Variants in FNDC3B observed in about 807,000 individuals in gnomAD.
FNDC3B encodes fibronectin type III domain containing 3B.
A neutral mutation model predicts 151.5 loss-of-function variants in FNDC3B; 12 were observed. That is an observed-to-expected ratio of 0.08 (90% CI 0.05 to 0.13). FNDC3B has a LOEUF of 0.13. FNDC3B is among the 10% of genes least tolerant of loss of function. The pLI is 1.00. For missense variants in FNDC3B, 1,214 were observed against 1,505.3 expected (o/e 0.81, Z 3.20); for synonymous variants, 528 against 549.0 (o/e 0.96, Z 0.54).
chr3:172,381,542 A>G (rs1182336024), intron 25 of FNDC3B, among the ~76,000 whole-genome samples: 2 of 151,632 alleles, frequency 1.3e-5, no homozygotes, highest in East Asian at 1.9e-4. Context: ...ACATAGGTAT[A>G]CATGTGCCAT....
At chr3:172,372,503 T>G (rs1463200319) in intron 23 of FNDC3B, among the ~76,000 whole-genome samples, 1 of 152,250 alleles carries the variant, frequency 6.6e-6, no homozygotes, top group Non-Finnish European at 1.5e-5. Context: ...TCAGCAAGCG[T>G]GCTCATGTCA....
At chr3:172,318,467 T>G (rs1731924208) in intron 11 of FNDC3B, among the ~76,000 whole-genome samples, 1 of 152,228 alleles carries the variant, frequency 6.6e-6, no homozygotes, top group Non-Finnish European at 1.5e-5. Flanking sequence ...GCTCAAGTGT[T>G]GAATAGTTCA....
chr3:172,177,203 C>T (rs1723639923), intron 3 of FNDC3B, among the ~76,000 whole-genome samples: 2 of 100,902 alleles, frequency 2.0e-5, no homozygotes, highest in Non-Finnish European at 3.9e-5. Flanking sequence ...AGAACCCTAA[C>T]TGAAGTTTGG....
intron 3 of FNDC3B, among the ~76,000 whole-genome samples, chr3:172,198,734 C>T (rs1724979660): frequency 6.6e-6 from 1 of 152,158 alleles, no homozygotes; most frequent in South Asian, 2.1e-4. Context: ...CTTCCTTATC[C>T]CACTCCTGAC....
chr3:172,368,912 G>C (rs1373547875), intron 23 of FNDC3B, among the ~76,000 whole-genome samples: 2 of 152,188 alleles, frequency 1.3e-5, no homozygotes, highest in Non-Finnish European at 2.9e-5. Flanking sequence ...TCAGGAGCCT[G>C]AGGCAGGAAA....
chr3:172,148,090 A>G (rs560085840), intron 3 of FNDC3B, among the ~76,000 whole-genome samples: 1 of 152,064 alleles, frequency 6.6e-6, no homozygotes, highest in Non-Finnish European at 1.5e-5. Context: ...TTCAGTTGCT[A>G]ATTTTATTAA....
At chr3:172,223,326 C>T (rs187701525) in intron 3 of FNDC3B, among the ~76,000 whole-genome samples, 1 of 152,288 alleles carries the variant, frequency 6.6e-6, no homozygotes, top group Admixed American at 6.5e-5. Context: ...AGGAGAGGAA[C>T]TTGGGGTTCT....
In FNDC3B at chr3:172,307,362, G is replaced by C. The variant is rs1258423681; in HGVS notation, c.1062-1G>C. ...ACTGACTGTGTCTGTTTTGTTTTCA[G>C]GGTGTATGCCATGTACAATTCCGTA... is the stretch of plus-strand genomic sequence containing the variant. On this transcript the variant is annotated splice_acceptor_variant, in intron 9 of 25. Transcript: ENST00000415807. LOFTEE classifies it high-confidence loss of function. 6.2e-7 allele frequency: 1 copy of C among 1,613,980 alleles called. No homozygotes were observed. Among genetic ancestry groups the C allele is most frequent in the Non-Finnish European group, 8.5e-7 (1 of 1,179,990 alleles).
At position 172,341,212 on chromosome 3, in the gene FNDC3B, G is replaced by C. The variant is rs746022646; in HGVS notation, c.1952G>C (p.Ser651Thr). The C allele has an allele frequency of 6.2e-7, 1 of 1,614,010 alleles. No individual in the cohort carries two copies. The change falls in exon 17 of 26, where the codon AGT becomes ACT. Residue 651 changes from serine to threonine, a missense_variant. By Grantham distance (58) the Ser-to-Thr change is moderately conservative. This residue lies in a region of FNDC3B where 380 missense variants were observed against 420.9 expected (regional missense o/e 0.90). Transcript: ENST00000415807. ...TACAAACTCCGAGCATGCTGCATCA[G>C]TACCGGCGGACACAGCCAGGTTGGT... ...TLYKLRACCI[S>T]TGGHSQCSES... is the part of the protein sequence containing the mutation.
chr3:172,044,643 C>T (rs1716275925), intron 1 of FNDC3B, among the ~76,000 whole-genome samples: 2 of 152,140 alleles, frequency 1.3e-5, no homozygotes, highest in African/African-American at 4.8e-5. Context: ...CCATTCCTGA[C>T]CATTGGGACC....
chr3:172,305,830 C>T (rs952938583), intron 9 of FNDC3B, among the ~76,000 whole-genome samples: 15 of 152,162 alleles, frequency 9.9e-5, no homozygotes, highest in African/African-American at 3.6e-4. Flanking sequence ...AACTTACTCC[C>T]AGTGAGCCCA....
intron 3 of FNDC3B, among the ~76,000 whole-genome samples, chr3:172,170,947 G>C (rs1194185747): frequency 6.6e-6 from 1 of 152,138 alleles, no homozygotes; most frequent in African/African-American, 2.4e-5. Flanking sequence ...TCTGTTTACT[G>C]TAAGATAAAA....
intron 1 of FNDC3B, among the ~76,000 whole-genome samples, chr3:172,077,054 A>C (rs1464183950): frequency 6.6e-6 from 1 of 152,224 alleles, no homozygotes; most frequent in Non-Finnish European, 1.5e-5. Flanking sequence ...ATCAAATCAC[A>C]TAATAAGTAC....
intron 4 of FNDC3B, among the ~76,000 whole-genome samples, chr3:172,233,049 C>A (rs1171123389): frequency 2.0e-5 from 3 of 152,166 alleles, no homozygotes; most frequent in African/African-American, 7.2e-5. Context: ...CTGGCCATGG[C>A]TCTCTGTTTT....
chr3:172,280,917 T>C lies in FNDC3B; in HGVS notation c.791-5009T>C, dbSNP rs1378027998. Among the ~76,000 whole-genome samples the C allele has an allele frequency of 9.9e-5, 15 of 152,206 alleles. No individual in the cohort carries two copies. In the East Asian group the frequency reaches 2.7e-3, roughly 27 times the overall value. On this transcript the variant is annotated intron_variant, in intron 6 of 25. Transcript: ENST00000415807. Reference sequence around the variant, plus strand: ...TCTTTCTTTTTTTTGAAAAAAACTATTTGCTTTGCTTGTGTATTTTTATTT... The same window carrying C: ...TCTTTCTTTTTTTTGAAAAAAACTACTTGCTTTGCTTGTGTATTTTTATTT...
chr3:172,384,748 A>G (rs532128772), intron 25 of FNDC3B, among the ~76,000 whole-genome samples: 81 of 152,328 alleles, frequency 5.3e-4, no homozygotes, highest in African/African-American at 1.9e-3. Flanking sequence ...CTATTCAGTA[A>G]TTTAGATTTT....
chr3:172,046,356 A>G (rs1389539750), intron 1 of FNDC3B, among the ~76,000 whole-genome samples: 1 of 152,048 alleles, frequency 6.6e-6, no homozygotes, highest in East Asian at 1.9e-4. Context: ...TTTAAGATAC[A>G]GTGTTTCACT....
rs1733667797 is a variant in FNDC3B, at chr3:172,347,448, G to A, written c.2514+87G>A. On this transcript the variant is annotated intron_variant, in intron 21 of 25. Transcript: ENST00000415807. The stretch of plus-strand genomic sequence containing the variant: ...GAAACCCACTCAAAGGCTTGTGGTG[G>A]AGGCTGTCAGGAGGGATGATATGGA... 19 of 1,036,810 alleles carry A rather than the reference G, an allele frequency of 1.8e-5. 1 individual carries two copies. The South Asian group carries it at 4.5e-4, about 25-fold the overall frequency. The allele number at this position is 1,036,810 out of a possible 1,614,324, so 64.2% of individuals were successfully genotyped here.
At chr3:172,168,543 T>C (rs553282730) in intron 3 of FNDC3B, among the ~76,000 whole-genome samples, 9 of 152,280 alleles carry the variant, frequency 5.9e-5, no homozygotes, top group African/African-American at 2.2e-4. Flanking sequence ...TTGTTAAACA[T>C]AGTCATTGTT....
Sources: gnomAD v4.1 joint callset for allele counts (sites outside exome capture counted in the v4.1 genomes callset) on GRCh38, gnomAD v4.1.1 for gene constraint, gnomAD v4.1.1 regional missense constraint, MANE v1.5 for transcripts, NCBI Gene and HGNC (gene_info 2026-07-23, HGNC 2026-07-21) for gene names.